BRCA1: variants seen among roughly 807,000 people sequenced by gnomAD.
The protein encoded by BRCA1 is breast cancer type 1 susceptibility protein.
Under a neutral mutation model 173.7 loss-of-function variants are expected in BRCA1, and 140 were observed. The ratio of observed to expected loss-of-function variants is 0.81; its 90% CI spans 0.70 to 0.93. The LOEUF (loss-of-function observed/expected upper bound fraction) is 0.93. Among genes scored for constraint, BRCA1 ranks in the 40% least tolerant of loss-of-function variants. The pLI is 0.00. For synonymous variants in BRCA1, 662 were observed against 756.0 expected, an observed-to-expected ratio of 0.88 and a Z score of 2.04; for missense variants, 1,983 against 2,172.5, an observed-to-expected ratio of 0.91 and a Z score of 1.73.
At chr17:43,123,038 C>G (rs770322547) in intron 2 of BRCA1, among the ~76,000 whole-genome samples, 26 of 150,106 alleles carry the variant, frequency 1.7e-4, no homozygotes, top group Middle Eastern at 6.8e-3. Flanking sequence ...GCCTGGGCAA[C>G]AGAGCAAGAC....
chr17:43,050,450 A>G (rs1340643708), intron 20 of BRCA1, among the ~76,000 whole-genome samples: 1 of 151,892 alleles, frequency 6.6e-6, no homozygotes, highest in Non-Finnish European at 1.5e-5. Context: ...CTACTAAAAA[A>G]AAAATACAAA....
upstream of BRCA1, among the ~76,000 whole-genome samples, chr17:43,128,672 A>C (rs772031294): frequency 1.3e-5 from 2 of 152,178 alleles, no homozygotes; most frequent in African/African-American, 4.8e-5. Flanking sequence ...GAAATCTGCA[A>C]GTTAAAAAAT....
chr17:43,143,738 G>A lies in BRCA1; in HGVS notation c.-19-19623C>T, dbSNP rs114088389. On this transcript the variant is annotated intron_variant, in intron 1 of 7. Transcript: ENST00000634433. Reference sequence around the variant, plus strand: ...AGTGCATCTATGGAAGTGCATCAGCGGGGGATGGGGAGAGGCTAGGGCAGT... The same window carrying A: ...AGTGCATCTATGGAAGTGCATCAGCAGGGGATGGGGAGAGGCTAGGGCAGT... 9.4e-3 allele frequency among the ~76,000 whole-genome samples: 1,430 copies of A among 152,180 alleles called. 18 individuals carry two copies. The highest frequency in any genetic ancestry group is 0.032 in the African/African-American group (1,348 of 41,504).
chr17:43,074,349 A>G lies in BRCA1; in HGVS notation c.4657T>C (p.Leu1553=), dbSNP rs80357431. ...ATATTACCTAGATCTTGCCTTGGCA[A>G]GTAAGATGTTTCCGTCAAATCGTGT... The part of the protein sequence containing the change: ...GPHDLTETSY[L]PRQDLEGTPY... The change falls in exon 14 of 23, where the codon TTG becomes CTG. Residue 1553 remains leucine, a synonymous_variant. Coordinates refer to ENST00000357654, the MANE Select transcript of BRCA1 (RefSeq NM_007294.4). 7 of 1,613,926 alleles carry G rather than the reference A, an allele frequency of 4.3e-6. No individual in the cohort carries two copies. The African/African-American group carries it at 9.3e-5, about 22-fold the overall frequency.
upstream of BRCA1, among the ~76,000 whole-genome samples, chr17:43,128,099 C>T (rs966399612): frequency 5.6e-4 from 84 of 151,208 alleles, no homozygotes; most frequent in Admixed American, 9.2e-4. Flanking sequence ...TCTCCTTCCA[C>T]GCTGTGGAAG....
At chr17:43,119,382 G>A (rs1013586427) in intron 2 of BRCA1, 3 of 226,774 alleles carry the variant, frequency 1.3e-5, no homozygotes, top group Admixed American at 5.7e-5. Context: ...ACATAGCACA[G>A]GGCAGTGAAA....
chr17:43,121,576 C>T (rs570399137), intron 2 of BRCA1, among the ~76,000 whole-genome samples: 3 of 136,758 alleles, frequency 2.2e-5, no homozygotes, highest in Non-Finnish European at 4.6e-5. Context: ...CCAGGTACTC[C>T]GGAGGCTGAG....
chr17:43,084,164 G>A (rs2154181712), intron 11 of BRCA1, among the ~76,000 whole-genome samples: 1 of 152,208 alleles, frequency 6.6e-6, no homozygotes, highest in East Asian at 1.9e-4. Context: ...CTGAGTAGCT[G>A]GGATTACAGG....
intron 1 of BRCA1, chr17:43,166,077 TCTTTGA>T (rs1362168094): frequency 2.6e-5 from 4 of 152,072 alleles, no homozygotes; most frequent in Non-Finnish European, 5.9e-5. Context: ...TTTCTTTCTC[TCTTTGA>T]CTTTGTCTCT....
upstream of BRCA1, among the ~76,000 whole-genome samples, chr17:43,128,023 C>CAAAAA (rs61243891): frequency 1.2e-4 from 3 of 24,988 alleles, no homozygotes; most frequent in Admixed American, 5.0e-4. Context: ...GACTCCATCT[C>CAAAAA]AAAAAAAAAA....
intron 14 of BRCA1, among the ~76,000 whole-genome samples, chr17:43,071,446 A>G (rs527674943): frequency 2.6e-5 from 4 of 152,312 alleles, no homozygotes; most frequent in South Asian, 2.1e-4. Flanking sequence ...ACGTATTTAC[A>G]CTTTCAGTCA....
intron 1 of BRCA1, chr17:43,167,468 G>C (rs1392930107): frequency 6.6e-6 from 1 of 152,194 alleles, no homozygotes; most frequent in East Asian, 1.9e-4. Context: ...CCAGTAACTA[G>C]ATCGGAACAA....
rs78951648 is a variant in BRCA1, at chr17:43,090,963, C to T, written c.4166G>A (p.Ser1389Asn). 9 of 1,611,696 alleles carry T rather than the reference C, an allele frequency of 5.6e-6. No homozygotes were observed. The East Asian group carries it at 1.8e-4, about 32-fold the overall frequency. Residue 1389 changes from serine to asparagine, a missense_variant, in exon 11 of 23, where the codon AGT becomes AAT. Ser to Asn is a conservative substitution (Grantham distance 46). Transcript: ENST00000357654. ...TTTTACCTGAGTGGTTAAAATGTCACTCTGAGAGGATAGCCCTGAGCAGTC... is the reference window on the plus strand; with the variant it reads ...TTTTACCTGAGTGGTTAAAATGTCATTCTGAGAGGATAGCCCTGAGCAGTC... ...SEDCSGLSSQ[S>N]DILTTQQRDT...
intron 3 of BRCA1, among the ~76,000 whole-genome samples, chr17:43,107,806 T>C (rs1042899270): frequency 1.3e-5 from 2 of 152,210 alleles, no homozygotes; most frequent in Admixed American, 6.5e-5. Context: ...AAGTGGATCA[T>C]AGACCAGAAG....
chr17:43,130,957 ACTT>A (rs1335903837), intron 1 of BRCA1, among the ~76,000 whole-genome samples: 6 of 152,152 alleles, frequency 3.9e-5, no homozygotes, highest in Non-Finnish European at 5.9e-5. Flanking sequence ...AGGTGTTCTG[ACTT>A]CTTCTATGAA....
At chr17:43,083,317 G>A (rs1412926602) in intron 11 of BRCA1, among the ~76,000 whole-genome samples, 2 of 151,802 alleles carry the variant, frequency 1.3e-5, no homozygotes, top group African/African-American at 2.4e-5. Flanking sequence ...CAAGACGCCC[G>A]GCTAATTTTG....
At chr17:43,104,101 G>T (rs1403139927) in intron 6 of BRCA1, 21 bp downstream of exon 6, 1 of 1,599,604 alleles carries the variant, frequency 6.3e-7, no homozygotes, top group Non-Finnish European at 8.5e-7. Flanking sequence ...AGAAGAAGAA[G>T]AAGAAAACAA....
intron 11 of BRCA1, 54 bp downstream of exon 11, chr17:43,090,890 T>C (rs1290819225): frequency 1.4e-6 from 2 of 1,476,288 alleles, no homozygotes; most frequent in African/African-American, 2.8e-5. Context: ...TACATACTAC[T>C]GAATGCAAAG....
chr17:43,058,784 T>TA (rs2051620524), intron 18 of BRCA1, among the ~76,000 whole-genome samples: 1 of 152,202 alleles, frequency 6.6e-6, no homozygotes, highest in South Asian at 2.1e-4. Flanking sequence ...AATGATAAAA[T>TA]ATACATTCAA....
Sources: gnomAD v4.1 joint callset for allele counts (sites outside exome capture counted in the v4.1 genomes callset) on GRCh38, gnomAD v4.1.1 for gene constraint, MANE v1.5 for transcripts, NCBI Gene and HGNC (gene_info 2026-07-23, HGNC 2026-07-21) for gene names.